The following PRKD1 variants were observed in gnomAD, a reference collection of about 807,000 sequenced individuals.
PRKD1 encodes protein kinase D1.
A neutral mutation model predicts 95.9 loss-of-function variants in PRKD1; 63 were observed. The ratio of observed to expected loss-of-function variants is 0.66; its 90% CI spans 0.54 to 0.81. The LOEUF is 0.81. PRKD1 is among the 30% of genes least tolerant of loss of function. PRKD1 has a pLI of 0.00. For missense variants in PRKD1, 1,048 were observed against 1,165.3 expected, an observed-to-expected ratio of 0.90 and a Z score of 1.47; for synonymous variants, 425 against 423.1, an observed-to-expected ratio of 1.00 and a Z score of -0.05.
chr14:29,695,100 G>T (rs563256274), intron 2 of PRKD1, among the ~76,000 whole-genome samples: 1 of 152,022 alleles, frequency 6.6e-6, no homozygotes, highest in African/African-American at 2.4e-5. Flanking sequence ...CAGGCATGGT[G>T]GTGGGTGCCT....
chr14:29,838,821 C>G (rs1200260321), intron 1 of PRKD1, among the ~76,000 whole-genome samples: 1 of 152,090 alleles, frequency 6.6e-6, no homozygotes, highest in African/African-American at 2.4e-5. Flanking sequence ...TGAACAGGAT[C>G]TAGTTTGAGG....
chr14:29,698,893 T>C (rs1884675954), intron 2 of PRKD1, among the ~76,000 whole-genome samples: 1 of 152,146 alleles, frequency 6.6e-6, no homozygotes, highest in Non-Finnish European at 1.5e-5. Flanking sequence ...TGCCTTTTCC[T>C]GTTAGATGCT....
chr14:29,898,479 G>A lies in PRKD1; in HGVS notation c.264+28770C>T, dbSNP rs571309006. ...GGGAAATAAAGATACATTACAAAAC[G>A]TTTATGGAATAAATAAATTCCAACA... is the stretch of plus-strand genomic sequence containing the variant. On this transcript the variant is annotated intron_variant, in intron 1 of 17. Coordinates refer to ENST00000331968, the MANE Select transcript of PRKD1 (RefSeq NM_002742.3). 1.4e-3 allele frequency among the ~76,000 whole-genome samples: 208 copies of A among 152,170 alleles called. 1 individual carries two copies. Among genetic ancestry groups the A allele is most frequent in the African/African-American group, 4.9e-3 (202 of 41,534 alleles).
At chr14:29,747,877 G>A (rs377321485) in intron 1 of PRKD1, among the ~76,000 whole-genome samples, 1 of 151,988 alleles carries the variant, frequency 6.6e-6, no homozygotes, top group African/African-American at 2.4e-5. Context: ...CCGAGCAGCT[G>A]GGATTACAGG....
chr14:29,790,336 T>G (rs1011704987), intron 1 of PRKD1, among the ~76,000 whole-genome samples: 20 of 152,110 alleles, frequency 1.3e-4, no homozygotes. Flanking sequence ...AATTATTACT[T>G]AGATTTCATC....
At chr14:29,882,676 A>T (rs1893554004) in intron 1 of PRKD1, among the ~76,000 whole-genome samples, 1 of 152,202 alleles carries the variant, frequency 6.6e-6, no homozygotes, top group South Asian at 2.1e-4. Context: ...GCCCCTGCCA[A>T]CTGCCATTCT....
At chr14:29,692,521 G>A (rs1227184128) in intron 2 of PRKD1, among the ~76,000 whole-genome samples, 1 of 152,024 alleles carries the variant, frequency 6.6e-6, no homozygotes, top group African/African-American at 2.4e-5. Context: ...ACAGGTGGGA[G>A]GGAAGAGAAT....
chr14:29,873,866 A>T (rs952959120), intron 1 of PRKD1, among the ~76,000 whole-genome samples: 7 of 152,076 alleles, frequency 4.6e-5, no homozygotes, highest in Non-Finnish European at 7.4e-5. Context: ...ATACACACAC[A>T]TACACACAGC....
intron 1 of PRKD1, among the ~76,000 whole-genome samples, chr14:29,799,530 T>C (rs1889942824): frequency 6.6e-6 from 1 of 152,218 alleles, no homozygotes; most frequent in Non-Finnish European, 1.5e-5. Context: ...GGATTAAAAA[T>C]GTTTATTAAA....
At position 29,654,384 on chromosome 14, in the gene PRKD1, G is replaced by C. The variant is rs143136760; in HGVS notation, c.696+9315C>G. 5.3e-3 allele frequency among the ~76,000 whole-genome samples: 802 copies of C among 152,188 alleles called. 4 individuals are homozygous for C. Among genetic ancestry groups the C allele is most frequent in the African/African-American group, 0.018 (758 of 41,522 alleles). ...AGGCAGGGTTTCACCATGTTGACCA[G>C]GCTGGTCTCGAACTTCTGGCCTCAA... On this transcript the variant is annotated intron_variant, in intron 4 of 17. Coordinates refer to ENST00000331968, the MANE Select transcript of PRKD1 (RefSeq NM_002742.3).
chr14:29,837,303 C>T (rs1326765419), intron 1 of PRKD1, among the ~76,000 whole-genome samples: 2 of 152,130 alleles, frequency 1.3e-5, no homozygotes, highest in Admixed American at 1.3e-4. Flanking sequence ...TGCTTTGCTA[C>T]AGCATGAAGT....
chr14:29,927,126 C>A (rs774610671), intron 1 of PRKD1, 123 bp downstream of exon 1: 18 of 1,090,272 alleles, frequency 1.7e-5, no homozygotes, highest in Non-Finnish European at 2.1e-5. Context: ...GCTTCCAGAG[C>A]GCCGGCGAGG....
At position 29,826,824 on chromosome 14, in the gene PRKD1, T is replaced by TACACACAC. The variant is rs1278252489; in HGVS notation, c.264+100424_264+100425insGTGTGTGT. On this transcript the variant is annotated intron_variant, in intron 1 of 17. Transcript: ENST00000331968. ...ATACACATATATATACACATATATATATATATATATATATACACACATATA... is the reference window on the plus strand; with the variant it reads ...ATACACATATATATACACATATATATACACACACATATATATATATATACACACATATA... Among the ~76,000 whole-genome samples the TACACACAC allele has an allele frequency of 4.4e-4, 13 of 29,238 alleles. 1 individual carries two copies. The highest frequency in any genetic ancestry group is 1.6e-3 in the African/African-American group (12 of 7,422). 19.2% of individuals were successfully genotyped at this position (29,238 alleles called of 152,430 possible).
rs764017417 is a variant in PRKD1 at position 29,666,251 on chromosome 14, C to A, written c.404-43G>T. The A allele has an allele frequency of 5.8e-6, 9 of 1,546,722 alleles. No homozygotes were observed. The South Asian group carries it at 1.1e-4, about 19-fold the overall frequency. On this transcript the variant is annotated intron_variant, in intron 2 of 17. Coordinates refer to ENST00000331968, the MANE Select transcript of PRKD1 (RefSeq NM_002742.3). Reference sequence around the variant, plus strand: ...TTGAAAAGTAAGTTGAATAGGCACTCTGATCTGTAAATAAAAAGTATGCAA... The same window carrying A: ...TTGAAAAGTAAGTTGAATAGGCACTATGATCTGTAAATAAAAAGTATGCAA...
chr14:29,704,122 G>A (rs907283812), intron 2 of PRKD1, among the ~76,000 whole-genome samples: 2 of 152,118 alleles, frequency 1.3e-5, no homozygotes, highest in Non-Finnish European at 2.9e-5. Context: ...ACTGTGAGGC[G>A]CTGAGGCTGA....
At chr14:29,820,274 T>A (rs1220630079) in intron 1 of PRKD1, among the ~76,000 whole-genome samples, 2 of 152,178 alleles carry the variant, frequency 1.3e-5, no homozygotes, top group Non-Finnish European at 2.9e-5. Flanking sequence ...GGCTATGTGC[T>A]AGGAAAAGAT....
intron 2 of PRKD1, among the ~76,000 whole-genome samples, chr14:29,686,391 A>G (rs1220787997): frequency 6.6e-6 from 1 of 152,196 alleles, no homozygotes; most frequent in Non-Finnish European, 1.5e-5. Flanking sequence ...CTGGCATGTT[A>G]TCTAGCTACT....
chr14:29,798,613 C>T (rs917308636), intron 1 of PRKD1, among the ~76,000 whole-genome samples: 2 of 152,156 alleles, frequency 1.3e-5, no homozygotes, highest in African/African-American at 2.4e-5. Context: ...ACATCTATTT[C>T]AGGTTATAAA....
intron 2 of PRKD1, among the ~76,000 whole-genome samples, chr14:29,674,772 C>A (rs185098862): frequency 6.6e-6 from 1 of 152,306 alleles, no homozygotes. Context: ...TAGACAAAGG[C>A]TAGGTACAGT....
Sources: allele counts gnomAD v4.1 joint callset (sites outside exome capture counted in the v4.1 genomes callset), GRCh38; gene constraint gnomAD v4.1.1; transcripts MANE v1.5; gene names NCBI Gene and HGNC (gene_info 2026-07-23, HGNC 2026-07-21).